Variants in TRIM36 observed in about 807,000 individuals in gnomAD.
The protein encoded by TRIM36 is tripartite motif containing 36.
In TRIM36, 42 loss-of-function variants were observed where a neutral mutation model predicts 72.4. The observed-to-expected ratio is 0.58, with a 90% CI of 0.45 to 0.75. The LOEUF is 0.75. Ranked by LOEUF, TRIM36 falls within the 30% of genes least tolerant of loss-of-function variation. The probability of loss-of-function intolerance (pLI) is 0.00; values close to 1 mark genes in which losing one functional copy is unlikely to be tolerated. For synonymous variants in TRIM36, 315 were observed against 282.8 expected (o/e 1.11, Z -1.14); for missense variants, 913 against 857.1 (o/e 1.07, Z -0.81).
At chr5:115,144,223 C>T (rs1032764718) in intron 4 of TRIM36, among the ~76,000 whole-genome samples, 1 of 152,100 alleles carries the variant, frequency 6.6e-6, no homozygotes, top group Non-Finnish European at 1.5e-5. Context: ...AGTAATTCTA[C>T]AGGCAAGAAA....
rs376144717 is a variant in TRIM36, at chr5:115,160,743, G to A, written c.262+2775C>T. On this transcript the variant is annotated intron_variant, in intron 2 of 9. Coordinates refer to ENST00000513154, the MANE Select transcript of TRIM36 (RefSeq NM_001300759.2). ...CACCTCTAGTCTCCGGTATGTAGGA[G>A]GCTGAGGCAGGAGGATCACTTGAGC... 4.2e-3 allele frequency among the ~76,000 whole-genome samples: 636 copies of A among 152,284 alleles called. 12 individuals carry two copies. The South Asian group carries it at 0.067, about 16-fold the overall frequency.
chr5:115,178,422 G>C lies in TRIM36; in HGVS notation c.63+1553C>G, dbSNP rs866931139. ...AGTCGGTGTCCTGCCTGCACCTCTCGCTCTTTAGAGGCCGTGGTTCTGGCC... is the reference window on the plus strand; with the variant it reads ...AGTCGGTGTCCTGCCTGCACCTCTCCCTCTTTAGAGGCCGTGGTTCTGGCC... On this transcript the variant is annotated intron_variant, in intron 1 of 9. Transcript: ENST00000282369. 1.3e-4 allele frequency among the ~76,000 whole-genome samples: 20 copies of C among 152,072 alleles called. 1 individual carries two copies. Among genetic ancestry groups the C allele is most frequent in the South Asian group, 6.2e-4 (3 of 4,826 alleles).
intron 2 of TRIM36, among the ~76,000 whole-genome samples, chr5:115,162,202 A>C (rs905836939): frequency 8.5e-5 from 13 of 152,188 alleles, no homozygotes; most frequent in African/African-American, 2.9e-4. Context: ...CACCATTCTA[A>C]GTTTCCCCTC....
intron 4 of TRIM36, 119 bp downstream of exon 4, chr5:115,144,479 T>C: frequency 8.0e-7 from 1 of 1,254,770 alleles, no homozygotes; most frequent in African/African-American, 1.5e-5. Flanking sequence ...TAAGTAACAC[T>C]TTAACTCATT....
At chr5:115,175,675 AAT>A (rs1220847998) in intron 1 of TRIM36, among the ~76,000 whole-genome samples, 1 of 137,874 alleles carries the variant, frequency 7.3e-6, no homozygotes, top group East Asian at 2.1e-4. Flanking sequence ...TCTTTAGCGC[AAT>A]ATAGTAAAAA....
At position 115,141,290 on chromosome 5, in the gene TRIM36, T is replaced by C. The variant is rs1753263057; in HGVS notation, c.820A>G (p.Lys274Glu). Residue 274 changes from lysine to glutamate, a missense_variant, in exon 5 of 10, where the codon AAA becomes GAA. Lys to Glu is a moderately conservative substitution (Grantham distance 56, BLOSUM62 1). Coordinates refer to ENST00000513154, the MANE Select transcript of TRIM36 (RefSeq NM_001300759.2). ...AGTTTATCACTTACCTCTGTTTCTT[T>C]CATTAACAAGTTTAGTTCAGATATT... Reference protein sequence around the residue: ...SQISELNLLMKETECNGERAK... With the variant: ...SQISELNLLMEETECNGERAK... The C allele has an allele frequency of 6.3e-7, 1 of 1,598,176 alleles. No homozygotes were observed. The highest frequency in any genetic ancestry group is 8.5e-7 in the Non-Finnish European group (1 of 1,174,622).
Position 115,147,235 on chromosome 5 carries a change from G to T in TRIM36, c.422C>A (p.Thr141Lys). ...ERYRQAARAA[T>K]AIMCDLCKPP... The stretch of plus-strand genomic sequence containing the variant: ...TTTACAAAGGTCACACATAATGGCT[G>T]TGGCTGCCCTAGCTGCTTGACGATA... Residue 141 changes from threonine to lysine, a missense_variant, in exon 3 of 10, where the codon ACA (threonine) becomes AAA (lysine). Physicochemically the swap from Thr to Lys is moderately conservative, Grantham distance 78. Coordinates refer to ENST00000513154, the MANE Select transcript of TRIM36 (RefSeq NM_001300759.2). 6.2e-7 allele frequency: 1 copy of T among 1,614,202 alleles called. No homozygotes were observed. Among genetic ancestry groups the T allele is most frequent in the Non-Finnish European group, 8.5e-7 (1 of 1,180,048 alleles).
chr5:115,167,201 C>A (rs1192985599), intron 1 of TRIM36, among the ~76,000 whole-genome samples: 3 of 152,138 alleles, frequency 2.0e-5, no homozygotes, highest in Non-Finnish European at 4.4e-5. Context: ...GGCCCTGGGC[C>A]CACTCCACTA....
intron 9 of TRIM36, among the ~76,000 whole-genome samples, chr5:115,127,458 G>A (rs1172524567): frequency 6.6e-6 from 1 of 152,214 alleles, no homozygotes; most frequent in African/African-American, 2.4e-5. Flanking sequence ...CTACTTGGGA[G>A]GCTGAGGCAT....
intron 6 of TRIM36, 82 bp from the exon 7 acceptor site, chr5:115,137,206 A>G: frequency 6.7e-7 from 1 of 1,485,682 alleles, no homozygotes. Flanking sequence ...TAACAAAATA[A>G]AACCCACACT....
At chr5:115,153,031 T>A (rs1055100589) in intron 2 of TRIM36, among the ~76,000 whole-genome samples, 24 of 152,152 alleles carry the variant, frequency 1.6e-4, no homozygotes, top group African/African-American at 5.3e-4. Context: ...TGGTACCTCA[T>A]ATCTCAATAC....
At chr5:115,150,301 GCCACA>G (rs1753821102) in intron 2 of TRIM36, among the ~76,000 whole-genome samples, 1 of 152,178 alleles carries the variant, frequency 6.6e-6, no homozygotes, top group African/African-American at 2.4e-5. Context: ...GTAGCCATTA[GCCACA>G]TGTGACTTTT....
intron 3 of TRIM36, among the ~76,000 whole-genome samples, chr5:115,145,386 A>C (rs1297492605): frequency 1.3e-5 from 2 of 152,342 alleles, no homozygotes; most frequent in East Asian, 3.9e-4. Context: ...ATTTTATGTA[A>C]AATAACTGTT....
chr5:115,166,723 C>A (rs948395991), intron 1 of TRIM36, among the ~76,000 whole-genome samples: 2 of 152,188 alleles, frequency 1.3e-5, no homozygotes, highest in Non-Finnish European at 2.9e-5. Flanking sequence ...GAGCTGCAGC[C>A]CTTCAGGGAG....
chr5:115,132,690 A>G (rs1752757641), intron 8 of TRIM36, among the ~76,000 whole-genome samples: 1 of 152,128 alleles, frequency 6.6e-6, no homozygotes, highest in South Asian at 2.1e-4. Flanking sequence ...CCAGTTTGCA[A>G]AATAAATTTA....
At chr5:115,176,040 C>T (rs754583939) in intron 1 of TRIM36, among the ~76,000 whole-genome samples, 8 of 152,082 alleles carry the variant, frequency 5.3e-5, no homozygotes, top group Non-Finnish European at 1.2e-4. Context: ...GTAGGAGAAT[C>T]GCTTGAACCC....
chr5:115,137,346 G>C lies in TRIM36; in HGVS notation c.1085+17C>G. ...CATTGCTCAATAGGTTCTAAAGTTAGAAGTAAAAGAGAATACCTGAGGTGG... is the reference window on the plus strand; with the variant it reads ...CATTGCTCAATAGGTTCTAAAGTTACAAGTAAAAGAGAATACCTGAGGTGG... On this transcript the variant is annotated intron_variant, in intron 6 of 9. Transcript: ENST00000513154. 6 of 1,593,134 alleles carry C rather than the reference G, an allele frequency of 3.8e-6. No individual in the cohort carries two copies. The highest frequency in any genetic ancestry group is 5.1e-6 in the Non-Finnish European group (6 of 1,172,342).
At chr5:115,162,148 T>G (rs2126928778) in intron 2 of TRIM36, among the ~76,000 whole-genome samples, 1 of 152,316 alleles carries the variant, frequency 6.6e-6, no homozygotes, top group East Asian at 1.9e-4. Flanking sequence ...TCACCCCTTC[T>G]CATCTCCTGT....
chr5:115,137,181 T>C (rs1753007959), intron 6 of TRIM36, 57 bp from the exon 7 acceptor site: 2 of 1,518,086 alleles, frequency 1.3e-6, no homozygotes, highest in African/African-American at 2.8e-5. Flanking sequence ...TCAGACTAAA[T>C]ATCTGCAACA....
Sources: gnomAD v4.1 joint callset for allele counts (sites outside exome capture counted in the v4.1 genomes callset) on GRCh38, gnomAD v4.1.1 for gene constraint, MANE v1.5 for transcripts, NCBI Gene and HGNC (gene_info 2026-07-23, HGNC 2026-07-21) for gene names.